DUOX1: variants seen among roughly 807,000 people sequenced by gnomAD.
DUOX1 encodes the protein NADPH thyroid oxidase 1.
DUOX1 carries 134 observed loss-of-function variants against 181.8 expected under a neutral mutation model. The observed-to-expected ratio is 0.74, with a 90% CI of 0.64 to 0.85. The LOEUF (loss-of-function observed/expected upper bound fraction) is 0.85, where lower values mean the gene tolerates loss of function less well. Among genes scored for constraint, DUOX1 ranks in the 40% least tolerant of loss-of-function variants. The pLI is 0.00. For missense variants in DUOX1, 1,814 were observed against 2,064.4 expected (o/e 0.88, Z 2.35); for synonymous variants, 798 against 832.5 (o/e 0.96, Z 0.71).
In DUOX1 at chr15:45,152,359, A is replaced by T. The variant is rs758139391; in HGVS notation, c.3267A>T (p.Thr1089=). 2 of 1,614,092 alleles carry T rather than the reference A, an allele frequency of 1.2e-6. No homozygotes were observed. Among genetic ancestry groups the T allele is most frequent in the African/African-American group, 2.7e-5 (2 of 74,914 alleles). Reference sequence around the variant, plus strand: ...TGGGAATCATCCTGTCGCGGGGCACAGCAGCCAGCATCTCTTTCATGTTCT... The same window carrying T: ...TGGGAATCATCCTGTCGCGGGGCACTGCAGCCAGCATCTCTTTCATGTTCT... ...TRVGIILSRG[T]AASISFMFSY... is the part of the protein sequence containing the mutation. Residue 1089 remains threonine, a synonymous_variant, in exon 25 of 34, where the codon ACA becomes ACT. Coordinates refer to ENST00000389037, the MANE Select transcript of DUOX1 (RefSeq NM_175940.3).
chr15:45,142,766 A>AGG (rs1394668302), intron 15 of DUOX1, among the ~76,000 whole-genome samples: 61 of 98,840 alleles, frequency 6.2e-4, no homozygotes, highest in African/African-American at 9.9e-4. Context: ...GAAGGAAGGA[A>AGG]AGAAGGAAGG....
At position 45,131,998 on chromosome 15, in the gene DUOX1, T is replaced by C; in HGVS notation, c.32T>C (p.Leu11Pro). 2 of 1,613,590 alleles carry C rather than the reference T, an allele frequency of 1.2e-6. No homozygotes were observed. Among genetic ancestry groups the C allele is most frequent in the South Asian group, 1.1e-5 (1 of 90,948 alleles). Residue 11 changes from leucine to proline, a missense_variant, in exon 2 of 34, where the codon CTT (leucine) becomes CCT (proline). Leu to Pro is a moderately conservative substitution (Grantham distance 98). Transcript: ENST00000389037. MGFCLALAWT[L>P]LVGAWTPLGA... Reference sequence around the variant, plus strand: ...TTCTGCCTGGCTCTAGCATGGACACTTCTGGTTGGGGCATGGACCCCTCTG... The same window carrying C: ...TTCTGCCTGGCTCTAGCATGGACACCTCTGGTTGGGGCATGGACCCCTCTG...
intron 10 of DUOX1, 136 bp downstream of exon 10, chr15:45,138,150 G>C: frequency 1.8e-6 from 1 of 567,696 alleles, no homozygotes; most frequent in Non-Finnish European, 2.8e-6. Flanking sequence ...CAGGTAGCTG[G>C]GATAGGCTGG....
chr15:45,158,634 G>A (rs1442751371), intron 28 of DUOX1, among the ~76,000 whole-genome samples: 4 of 150,000 alleles, frequency 2.7e-5, no homozygotes, highest in Admixed American at 6.7e-5. Context: ...CCAGGGAGGT[G>A]GAGGTTGCAT....
In DUOX1 at chr15:45,135,562, G is replaced by T. The variant is rs557222934; in HGVS notation, c.584G>T (p.Gly195Val). The change falls in exon 6 of 34, where the codon GGA (glycine) becomes GTA (valine). Residue 195 changes from glycine (G) to valine (V), a missense_variant. Gly to Val is a moderately radical substitution (Grantham distance 109). This residue lies in a region of DUOX1 where 320 missense variants were observed against 313.1 expected (regional missense o/e 1.02). Coordinates refer to ENST00000389037, the MANE Select transcript of DUOX1 (RefSeq NM_175940.3). ...WSDALRSFSR[G>V]QLASGPDPAF... ...GACGCGCTGCGGAGCTTCTCCAGGG[G>T]ACAGCTGGCGTCGGGGCCCGACCCC... 4 of 1,560,110 alleles carry T rather than the reference G, an allele frequency of 2.6e-6. No homozygotes were observed. Among genetic ancestry groups the T allele is most frequent in the Admixed American group, 1.9e-5 (1 of 52,392 alleles).
Position 45,153,943 on chromosome 15 carries a change from C to A in DUOX1, c.3525-8C>A. ...TCAAGGTGTCTCTTTGCTGTCCCTTCCACACAGGTCTGAGCTCCCCCAGAA... is the reference window on the plus strand; with the variant it reads ...TCAAGGTGTCTCTTTGCTGTCCCTTACACACAGGTCTGAGCTCCCCCAGAA... On this transcript the variant is annotated splice_region_variant and splice_polypyrimidine_tract_variant and intron_variant, in intron 26 of 33. Coordinates refer to ENST00000389037, the MANE Select transcript of DUOX1 (RefSeq NM_175940.3). 6.2e-7 allele frequency: 1 copy of A among 1,612,146 alleles called. No homozygotes were observed. The highest frequency in any genetic ancestry group is 8.5e-7 in the Non-Finnish European group (1 of 1,178,240).
chr15:45,147,882 T>C (rs977616735), intron 19 of DUOX1, 22 bp from the exon 20 acceptor site: 23 of 1,605,520 alleles, frequency 1.4e-5, no homozygotes, highest in Non-Finnish European at 1.9e-5. Context: ...GGGCTCTCCT[T>C]ATGGAGTCCT....
intron 22 of DUOX1, 34 bp downstream of exon 22, chr15:45,150,735 G>A: frequency 6.2e-7 from 1 of 1,603,982 alleles, no homozygotes; most frequent in Non-Finnish European, 8.5e-7. Context: ...GGGGGGAGGA[G>A]TTGGGGAGTT....
intron 24 of DUOX1, 43 bp from the exon 25 acceptor site, chr15:45,152,243 C>T: frequency 6.4e-7 from 1 of 1,571,666 alleles, no homozygotes; most frequent in Non-Finnish European, 8.7e-7. Context: ...GCTCTCTGTC[C>T]TCTGCACTGA....
chr15:45,136,300 G>A (rs748214906), intron 7 of DUOX1, 50 bp from the exon 8 acceptor site: 8 of 1,611,366 alleles, frequency 5.0e-6, no homozygotes, highest in African/African-American at 1.3e-5. Flanking sequence ...ACCCTTCCAG[G>A]TCCCTCCCCA....
At chr15:45,130,645 C>T (rs976340700) in intron 1 of DUOX1, among the ~76,000 whole-genome samples, 1 of 152,224 alleles carries the variant, frequency 6.6e-6, no homozygotes, top group African/African-American at 2.4e-5. Flanking sequence ...GAAGTTACTG[C>T]CCCATCGTTG....
At chr15:45,160,189 C>T (rs893068001) in intron 28 of DUOX1, among the ~76,000 whole-genome samples, 20 of 152,024 alleles carry the variant, frequency 1.3e-4, no homozygotes, top group Admixed American at 2.0e-4. Flanking sequence ...TGGATGACAA[C>T]GCATGCACTA....
At chr15:45,149,806 G>A (rs967808832) in intron 21 of DUOX1, among the ~76,000 whole-genome samples, 14 of 152,208 alleles carry the variant, frequency 9.2e-5, no homozygotes, top group African/African-American at 3.1e-4. Context: ...AGCCAAGATT[G>A]TGCCACTGCA....
At chr15:45,144,688 G>A (rs913099592) in intron 17 of DUOX1, among the ~76,000 whole-genome samples, 1 of 152,250 alleles carries the variant, frequency 6.6e-6, no homozygotes, top group Non-Finnish European at 1.5e-5. Context: ...AGGGAAGAAT[G>A]TCTTTGTACA....
In DUOX1 at chr15:45,164,970, C is replaced by T; in HGVS notation, c.*69C>T. 3 of 1,544,710 alleles carry T rather than the reference C, an allele frequency of 1.9e-6. No individual in the cohort carries two copies. Among genetic ancestry groups the T allele is most frequent in the Non-Finnish European group, 2.7e-6 (3 of 1,124,578 alleles). On this transcript the variant is annotated 3_prime_UTR_variant, in exon 34 of 34. Coordinates refer to ENST00000389037, the MANE Select transcript of DUOX1 (RefSeq NM_175940.3). The stretch of plus-strand genomic sequence containing the variant: ...TTTGAGCCCACACCTCACCTCTGTT[C>T]TTCCTATTTCTGGCTGCCTCAGCCT...
chr15:45,145,027 C>T lies in DUOX1; in HGVS notation c.2269C>T (p.Arg757Trp), dbSNP rs764270114. 4.3e-6 allele frequency: 7 copies of T among 1,613,468 alleles called. No individual in the cohort carries two copies. Among genetic ancestry groups the T allele is most frequent in the Non-Finnish European group, 4.2e-6 (5 of 1,179,782 alleles). Residue 757 changes from arginine (R) to tryptophan (W), a missense_variant, in exon 18 of 34, where the codon CGG becomes TGG. Around this residue, in one of 5 missense-constraint regions of DUOX1, gnomAD observed 1,064 missense variants for 1,152.9 expected, o/e 0.92. Coordinates refer to ENST00000389037, the MANE Select transcript of DUOX1 (RefSeq NM_175940.3). ...EQELMRAAVT[R>W]EQRRHLLETF... ...GGAGCTGATGAGAGCAGCTGTGACA[C>T]GGGAGCAGCGGAGGCACCTCCTGGA...
intron 21 of DUOX1, among the ~76,000 whole-genome samples, chr15:45,149,591 G>A (rs1896753872): frequency 6.6e-6 from 1 of 152,206 alleles, no homozygotes. Context: ...GCTCATGCCT[G>A]TAATCCCAGC....
Position 45,161,863 on chromosome 15 carries a change from C to T in DUOX1, c.3982C>T (p.His1328Tyr). 3.1e-6 allele frequency: 5 copies of T among 1,613,986 alleles called. No individual in the cohort carries two copies. The highest frequency in any genetic ancestry group is 4.2e-6 in the Non-Finnish European group (5 of 1,179,966). The change falls in exon 30 of 34, where the codon CAT becomes TAT. Residue 1328 changes from histidine (H) to tyrosine (Y), a missense_variant. Physicochemically the swap from His to Tyr is moderately conservative, Grantham distance 83. Around this residue, in one of 5 missense-constraint regions of DUOX1, gnomAD observed 279 missense variants for 381.9 expected, o/e 0.73. Coordinates refer to ENST00000389037, the MANE Select transcript of DUOX1 (RefSeq NM_175940.3). Reference protein sequence around the residue: ...YHPFTLTSAPHEDTLSLHIRA... With the variant: ...YHPFTLTSAPYEDTLSLHIRA... ...CCCCTTCACACTGACCTCTGCGCCC[C>T]ATGAGGACACGCTTAGCCTGCACAT...
Position 45,136,240 on chromosome 15 carries a change from C to T in DUOX1, c.865-110C>T, listed in dbSNP as rs2576084. On this transcript the variant is annotated intron_variant, in intron 7 of 33. Coordinates refer to ENST00000389037, the MANE Select transcript of DUOX1 (RefSeq NM_175940.3). The stretch of plus-strand genomic sequence containing the variant: ...CCTGTTTGAGTTGCTTCTCCCATGA[C>T]TGACCCTGGCTGGTCCTCATCTCCA... 3.1e-4 allele frequency: 473 copies of T among 1,538,020 alleles called. 2 individuals are homozygous for T. The highest frequency in any genetic ancestry group is 1.1e-3 in the South Asian group (92 of 83,838).
Sources: allele counts gnomAD v4.1 joint callset (sites outside exome capture counted in the v4.1 genomes callset), GRCh38; gene constraint gnomAD v4.1.1; regional missense constraint gnomAD v4.1.1; transcripts MANE v1.5; gene names NCBI Gene and HGNC (gene_info 2026-07-23, HGNC 2026-07-21).